CWC27: variants seen among roughly 807,000 people sequenced by gnomAD.
The protein encoded by CWC27 is spliceosome-associated protein CWC27 homolog.
In CWC27, 47 loss-of-function variants were observed where a neutral mutation model predicts 63.6. The ratio of observed to expected loss-of-function variants is 0.74; its 90% CI spans 0.58 to 0.94. The LOEUF is 0.94. CWC27 is among the 40% of genes least tolerant of loss of function. The pLI, the probability that CWC27 is intolerant of heterozygous loss-of-function variation, is 0.00. For missense variants in CWC27, 495 were observed against 554.3 expected (o/e 0.89, Z 1.07); for synonymous variants, 175 against 179.8 (o/e 0.97, Z 0.22).
At chr5:64,948,207 A>G (rs115964559) in intron 11 of CWC27, among the ~76,000 whole-genome samples, 3,763 of 152,122 alleles carry the variant, frequency 0.025, 162 homozygotes, top group African/African-American at 0.086. Context: ...GGGTTATGAA[A>G]TCAATAGTGT....
intron 11 of CWC27, among the ~76,000 whole-genome samples, chr5:64,958,962 A>G (rs1021872613): frequency 6.6e-5 from 10 of 152,186 alleles, no homozygotes; most frequent in African/African-American, 2.4e-4. Flanking sequence ...AATTTTCATG[A>G]ACCTTTAGGA....
chr5:64,787,375 AAC>A (rs1233086647), intron 6 of CWC27, among the ~76,000 whole-genome samples: 2 of 152,150 alleles, frequency 1.3e-5, no homozygotes, highest in African/African-American at 4.8e-5. Flanking sequence ...TGATCCCTGT[AAC>A]AATTATTTAT....
intron 11 of CWC27, among the ~76,000 whole-genome samples, chr5:64,912,791 A>G (rs757043311): frequency 1.3e-5 from 2 of 152,178 alleles, no homozygotes; most frequent in Non-Finnish European, 2.9e-5. Flanking sequence ...CTAATCTAAG[A>G]AGAAATAGGA....
chr5:64,814,689 C>T (rs959984214), intron 10 of CWC27, among the ~76,000 whole-genome samples: 2 of 152,108 alleles, frequency 1.3e-5, no homozygotes, highest in South Asian at 2.1e-4. Flanking sequence ...TTGGCCAGAG[C>T]CAAGTCATGT....
chr5:64,927,187 T>C (rs553668055), intron 11 of CWC27, among the ~76,000 whole-genome samples: 4 of 152,344 alleles, frequency 2.6e-5, no homozygotes, highest in East Asian at 3.9e-4. Context: ...CATCATTTAG[T>C]AAATCTGGCA....
At chr5:64,787,299 A>C (rs1743923092) in intron 6 of CWC27, among the ~76,000 whole-genome samples, 1 of 152,168 alleles carries the variant, frequency 6.6e-6, no homozygotes, top group South Asian at 2.1e-4. Flanking sequence ...TCTTAAACTT[A>C]AGCTACAAAC....
intron 11 of CWC27, among the ~76,000 whole-genome samples, chr5:64,940,749 A>G (rs893218272): frequency 2.7e-5 from 4 of 149,380 alleles, no homozygotes; most frequent in African/African-American, 9.9e-5. Context: ...TGCTTTTACC[A>G]TTATTTCTTT....
At chr5:64,863,444 C>G (rs2112314291) in intron 10 of CWC27, among the ~76,000 whole-genome samples, 1 of 152,008 alleles carries the variant, frequency 6.6e-6, no homozygotes, top group East Asian at 1.9e-4. Flanking sequence ...TTTCCTCTCC[C>G]CTACACCCTC....
chr5:64,771,591 T>C (rs1367395340), intron 1 of CWC27, among the ~76,000 whole-genome samples: 1 of 152,202 alleles, frequency 6.6e-6, no homozygotes, highest in East Asian at 1.9e-4. Flanking sequence ...CTTCACTTAG[T>C]GTAATGTTGC....
intron 11 of CWC27, among the ~76,000 whole-genome samples, chr5:64,902,174 A>G (rs1017170031): frequency 3.3e-5 from 5 of 152,230 alleles, no homozygotes; most frequent in African/African-American, 1.2e-4. Context: ...AGTATTATGT[A>G]CTGTACATAA....
At chr5:64,921,274 T>A (rs1747991211) in intron 11 of CWC27, among the ~76,000 whole-genome samples, 1 of 152,234 alleles carries the variant, frequency 6.6e-6, no homozygotes. Flanking sequence ...ATTTCTTTTT[T>A]ATTGCTCTGT....
chr5:64,982,254 T>C (rs1749341904), intron 13 of CWC27, among the ~76,000 whole-genome samples: 1 of 152,214 alleles, frequency 6.6e-6, no homozygotes, highest in African/African-American at 2.4e-5. Flanking sequence ...ATACCTTTTA[T>C]ATGTAATACA....
chr5:64,981,908 G>A (rs915731030), intron 13 of CWC27, among the ~76,000 whole-genome samples: 9 of 152,090 alleles, frequency 5.9e-5, no homozygotes, highest in African/African-American at 2.2e-4. Flanking sequence ...ATAACCCTAT[G>A]GGTTAAAACT....
At chr5:64,833,545 A>G (rs1745584137) in intron 10 of CWC27, among the ~76,000 whole-genome samples, 1 of 151,786 alleles carries the variant, frequency 6.6e-6, no homozygotes, top group East Asian at 1.9e-4. Context: ...GTGTTAAGTG[A>G]TGGCACAACT....
intron 11 of CWC27, among the ~76,000 whole-genome samples, chr5:64,895,172 G>A (rs1459583110): frequency 6.6e-6 from 1 of 152,078 alleles, no homozygotes; most frequent in African/African-American, 2.4e-5. Context: ...AGAAAAATAT[G>A]AGCAATATGT....
At chr5:64,963,594 G>GT (rs1748959491) in intron 11 of CWC27, among the ~76,000 whole-genome samples, 2 of 152,144 alleles carry the variant, frequency 1.3e-5, no homozygotes, top group Admixed American at 1.3e-4. Context: ...TAGAAGACCA[G>GT]TTTTTTCAAA....
chr5:65,014,333 A>G (rs1213775925), intron 13 of CWC27, among the ~76,000 whole-genome samples: 1 of 148,022 alleles, frequency 6.8e-6, no homozygotes, highest in Non-Finnish European at 1.5e-5. Flanking sequence ...TATATACCAT[A>G]TGTATAATAT....
At position 64,788,959 on chromosome 5, in the gene CWC27, GTTTAC is replaced by G; in HGVS notation, c.612_616del (p.Leu204PhefsTer7). Reference sequence around the variant, plus strand: ...TCTTTTTTTTGGACTAGAAATTTTAGTTTACTTTCATTTGGAGAGGAAGCTGAGGA... The same window carrying G: ...TCTTTTTTTTGGACTAGAAATTTTAGTTTCATTTGGAGAGGAAGCTGAGGA... On this transcript the variant is annotated frameshift_variant, in exon 7 of 14. Coordinates refer to ENST00000381070, the MANE Select transcript of CWC27 (RefSeq NM_005869.4). LOFTEE classifies it high-confidence loss of function. The G allele has an allele frequency of 6.4e-7, 1 of 1,564,056 alleles. No homozygotes were observed. Among genetic ancestry groups the G allele is most frequent in the Non-Finnish European group, 8.7e-7 (1 of 1,155,388 alleles).
intron 10 of CWC27, among the ~76,000 whole-genome samples, chr5:64,831,244 T>C (rs1294630026): frequency 6.6e-6 from 1 of 152,040 alleles, no homozygotes; most frequent in African/African-American, 2.4e-5. Context: ...TATAGAATTA[T>C]AATTGCTAAG....
Sources: allele counts gnomAD v4.1 joint callset (sites outside exome capture counted in the v4.1 genomes callset), GRCh38; gene constraint gnomAD v4.1.1; transcripts MANE v1.5; gene names NCBI Gene and HGNC (gene_info 2026-07-23, HGNC 2026-07-21).